The following CBLC variants were observed in gnomAD, a reference collection of about 807,000 sequenced individuals.
CBLC encodes Cbl proto-oncogene C.
Under a neutral mutation model 58.6 loss-of-function variants are expected in CBLC, and 46 were observed. The observed-to-expected ratio is 0.79, with a 90% CI of 0.62 to 1.00. The LOEUF (loss-of-function observed/expected upper bound fraction) is 1.00. Among genes scored for constraint, CBLC ranks in the 50% least tolerant of loss-of-function variants. The probability of loss-of-function intolerance (pLI) is 0.00; values close to 1 mark genes in which losing one functional copy is unlikely to be tolerated. For missense variants in CBLC, 655 were observed against 625.8 expected, an observed-to-expected ratio of 1.05 and a Z score of -0.50; for synonymous variants, 271 against 264.2, an observed-to-expected ratio of 1.03 and a Z score of -0.25.
At chr19:44,778,392 A>G in intron 1 of CBLC, 108 bp downstream of exon 1, 4 of 1,000,336 alleles carry the variant, frequency 4.0e-6, no homozygotes, top group Non-Finnish European at 4.9e-6. Flanking sequence ...CTCCTCCCTC[A>G]GACCCAGGAA....
intron 1 of CBLC, among the ~76,000 whole-genome samples, chr19:44,779,345 C>T (rs1181344597): frequency 6.6e-6 from 1 of 152,106 alleles, no homozygotes; most frequent in African/African-American, 2.4e-5. Context: ...ATCACGGTTT[C>T]TGCCTGGACT....
At position 44,778,055 on chromosome 19, in the gene CBLC, C is replaced by G; in HGVS notation, c.124C>G (p.Pro42Ala). 1 of 1,609,054 alleles carries G rather than the reference C, an allele frequency of 6.2e-7. No homozygotes were observed. Among genetic ancestry groups the G allele is most frequent in the African/African-American group, 1.3e-5 (1 of 75,018 alleles). ...CGACCCCCGGCTGTCCGTGAGTCCC[C>G]CTTCGCTGCGGGACCTGCTGCCCCG... is the stretch of plus-strand genomic sequence containing the variant. ...CVDPRLSVSP[P>A]SLRDLLPRTA... The change falls in exon 1 of 11, where the codon CCT becomes GCT. Residue 42 changes from proline (P) to alanine (A), a missense_variant. This residue lies in a region of CBLC where 280 missense variants were observed against 237.2 expected (regional missense o/e 1.18). Coordinates refer to ENST00000647358, the MANE Select transcript of CBLC (RefSeq NM_012116.4).
chr19:44,785,539 GATAGATAGATAGATAGATAGA>G (rs1967878791), intron 5 of CBLC, among the ~76,000 whole-genome samples: 1 of 86,670 alleles, frequency 1.2e-5, no homozygotes, highest in African/African-American at 6.3e-5. Flanking sequence ...TAGGTAGATA[GATAGATAGATAGATAGATAGA>G]TAGATAGATA....
Position 44,778,271 on chromosome 19 carries a change from GGCTCCAGACTCAGGTGAGCCTTC to G in CBLC, c.343_353+12del, listed in dbSNP as rs1163245715. 4.9e-6 allele frequency: 7 copies of G among 1,438,352 alleles called. No individual in the cohort carries two copies. The highest frequency in any genetic ancestry group is 5.5e-6 in the Non-Finnish European group (6 of 1,098,254). 89.1% of individuals were successfully genotyped at this position (1,438,352 alleles called of 1,614,324 possible). A position where few individuals can be genotyped will look rare whatever the true frequency, so the allele number is the denominator to read the frequency against. ...TGCCAACGACGAGCTCTTCCGGGCG[GGCTCCAGACTCAGGTGAGCCTTC>G]GCCCCAGAACAAAGTCCTCTGGGGT... is the stretch of plus-strand genomic sequence containing the variant. On this transcript the variant is annotated splice_donor_variant and splice_donor_5th_base_variant and coding_sequence_variant and intron_variant, in exon 1 of 11. Coordinates refer to ENST00000647358, the MANE Select transcript of CBLC (RefSeq NM_012116.4). LOFTEE classifies it high-confidence loss of function.
At chr19:44,789,802 T>C (rs1967999164) in intron 5 of CBLC, among the ~76,000 whole-genome samples, 1 of 152,086 alleles carries the variant, frequency 6.6e-6, no homozygotes, top group South Asian at 2.1e-4. Flanking sequence ...TGAGGGGACA[T>C]AGCCCTGCCC....
chr19:44,789,547 C>T (rs183518075), intron 5 of CBLC, among the ~76,000 whole-genome samples: 4 of 152,030 alleles, frequency 2.6e-5, no homozygotes, highest in Admixed American at 6.6e-5. Flanking sequence ...TGCACCACCA[C>T]GCCCAGCTAA....
At chr19:44,783,840 G>A (rs1410642333) in intron 4 of CBLC, among the ~76,000 whole-genome samples, 7 of 152,062 alleles carry the variant, frequency 4.6e-5, no homozygotes, top group Non-Finnish European at 8.8e-5. Flanking sequence ...TCTCCTCATT[G>A]TGGCAAATGA....
intron 3 of CBLC, among the ~76,000 whole-genome samples, chr19:44,781,931 C>G (rs554232154): frequency 2.1e-4 from 16 of 76,054 alleles, no homozygotes; most frequent in African/African-American, 9.1e-4. Context: ...GGGAGGAGGG[C>G]CTGGGGCCTG....
At chr19:44,793,716 T>G in intron 8 of CBLC, 96 bp downstream of exon 8, 45 of 1,170,264 alleles carry the variant, frequency 3.8e-5, no homozygotes, top group Non-Finnish European at 5.2e-5. Flanking sequence ...GAGGAGAGAC[T>G]GGGGGCCTGG....
At chr19:44,785,693 T>G (rs1967885705) in intron 5 of CBLC, among the ~76,000 whole-genome samples, 1 of 152,010 alleles carries the variant, frequency 6.6e-6, no homozygotes, top group Non-Finnish European at 1.5e-5. Flanking sequence ...CCCAGCACTT[T>G]GGGAGGCCAA....
At chr19:44,788,655 G>C (rs1431302252) in intron 5 of CBLC, among the ~76,000 whole-genome samples, 1 of 151,436 alleles carries the variant, frequency 6.6e-6, no homozygotes, top group Middle Eastern at 3.2e-3. Context: ...AATTATTATT[G>C]TATTTATTTA....
intron 9 of CBLC, among the ~76,000 whole-genome samples, chr19:44,796,889 G>A (rs896811813): frequency 6.6e-6 from 1 of 150,718 alleles, no homozygotes; most frequent in African/African-American, 2.4e-5. Flanking sequence ...GCAAACAAGA[G>A]AGCCAGCAGG....
In CBLC at chr19:44,790,110, C is replaced by A. The variant is rs1332536899; in HGVS notation, c.1005+19C>A. 3 of 1,593,526 alleles carry A rather than the reference C, an allele frequency of 1.9e-6. No homozygotes were observed. Among genetic ancestry groups the A allele is most frequent in the Non-Finnish European group, 2.6e-6 (3 of 1,161,366 alleles). ...GTCAGAGGTGAGACCCGCACCTGCACCCGCAGTCCCAGTTCCCTGACCCTG... is the reference window on the plus strand; with the variant it reads ...GTCAGAGGTGAGACCCGCACCTGCAACCGCAGTCCCAGTTCCCTGACCCTG... On this transcript the variant is annotated intron_variant, in intron 6 of 10. Coordinates refer to ENST00000647358, the MANE Select transcript of CBLC (RefSeq NM_012116.4).
intron 5 of CBLC, among the ~76,000 whole-genome samples, chr19:44,784,964 T>TTTTTTG (rs1568558702): frequency 9.2e-6 from 1 of 108,706 alleles, no homozygotes; most frequent in African/African-American, 3.9e-5. Context: ...TTTTTTTTTT[T>TTTTTTG]TTTTTTTTTT....
At position 44,794,748 on chromosome 19, in the gene CBLC, C is replaced by G. The variant is rs369542529; in HGVS notation, c.1362+467C>G. ...ACAGTGCGGGGATTACAGGAGTGAG[C>G]CACTGCGCCTGGCCTCAAGGACTTT... On this transcript the variant is annotated intron_variant, in intron 9 of 10. Transcript: ENST00000647358. Among the ~76,000 whole-genome samples, 12 of 152,098 alleles carry G rather than the reference C, an allele frequency of 7.9e-5. No homozygotes were observed. The East Asian group carries it at 1.6e-3, about 20-fold the overall frequency.
At chr19:44,799,504 G>A (rs758260125) in intron 9 of CBLC, among the ~76,000 whole-genome samples, 2 of 152,038 alleles carry the variant, frequency 1.3e-5, no homozygotes, top group African/African-American at 2.4e-5. Flanking sequence ...GGCTAATTTC[G>A]TATTTTTCAT....
At chr19:44,790,158 C>T in intron 6 of CBLC, 67 bp downstream of exon 6, 1 of 1,238,336 alleles carries the variant, frequency 8.1e-7, no homozygotes, top group South Asian at 1.2e-5. Flanking sequence ...TGCCTTGGCT[C>T]AGAGGCCTGG....
intron 5 of CBLC, among the ~76,000 whole-genome samples, chr19:44,789,750 A>C (rs1436978577): frequency 6.6e-6 from 1 of 151,968 alleles, no homozygotes; most frequent in Non-Finnish European, 1.5e-5. Context: ...TTGTTTCTGG[A>C]GCTTGAGTCA....
At chr19:44,793,766 CTG>C in intron 8 of CBLC, 146 bp downstream of exon 8, 1 of 732,896 alleles carries the variant, frequency 1.4e-6, no homozygotes, top group Non-Finnish European at 2.1e-6. Context: ...AGCCTGTACT[CTG>C]AGTCTAAGGG....
Sources: allele counts gnomAD v4.1 joint callset (sites outside exome capture counted in the v4.1 genomes callset), GRCh38; gene constraint gnomAD v4.1.1; regional missense constraint gnomAD v4.1.1; transcripts MANE v1.5; gene names NCBI Gene and HGNC (gene_info 2026-07-23, HGNC 2026-07-21).